PLEK2: variants seen among roughly 807,000 people sequenced by gnomAD.
The protein encoded by PLEK2 is pleckstrin 2.
Under a neutral mutation model 43.8 loss-of-function variants are expected in PLEK2, and 29 were observed. That is an observed-to-expected ratio of 0.66 (90% CI 0.49 to 0.90). The LOEUF (loss-of-function observed/expected upper bound fraction) is 0.90. Among genes scored for constraint, PLEK2 ranks in the 40% least tolerant of loss-of-function variants. PLEK2 has a pLI of 0.00. For missense variants in PLEK2, 398 were observed against 448.1 expected, an observed-to-expected ratio of 0.89 and a Z score of 1.01; for synonymous variants, 162 against 173.2, an observed-to-expected ratio of 0.94 and a Z score of 0.51.
chr14:67,393,264 G>C, intron 3 of PLEK2, 23 bp from the exon 4 acceptor site: 1 of 1,561,474 alleles, frequency 6.4e-7, no homozygotes, highest in Non-Finnish European at 8.8e-7. Context: ...GAAGGCAAAG[G>C]AGAGGGAACC....
chr14:67,408,009 C>T (rs753216183), intron 1 of PLEK2, among the ~76,000 whole-genome samples: 11 of 151,934 alleles, frequency 7.2e-5, no homozygotes, highest in Non-Finnish European at 1.2e-4. Flanking sequence ...AATAGAGGGC[C>T]GGGCATGGTG....
intron 1 of PLEK2, among the ~76,000 whole-genome samples, chr14:67,407,161 G>A (rs570841243): frequency 9.9e-5 from 15 of 151,922 alleles, no homozygotes; most frequent in African/African-American, 3.6e-4. Flanking sequence ...TTGCACTGTC[G>A]CCCGGGCTAG....
chr14:67,396,967 C>T lies in PLEK2; in HGVS notation c.207+695G>A, dbSNP rs2086015169. ...GACTTTTTTTTTTTTTTTGAGGAGT[C>T]TCATTCTGTCACCCAGGCTGGAGTG... On this transcript the variant is annotated intron_variant, in intron 2 of 8. Coordinates refer to ENST00000216446, the MANE Select transcript of PLEK2 (RefSeq NM_016445.3). Among the ~76,000 whole-genome samples, 3 of 144,262 alleles carry T rather than the reference C, an allele frequency of 2.1e-5. No individual in the cohort carries two copies. The South Asian group carries it at 6.5e-4, about 31-fold the overall frequency. 94.6% of individuals were successfully genotyped at this position (144,262 alleles called of 152,430 possible).
rs57113671 is a variant in PLEK2, at chr14:67,392,717, C to T, written c.614G>A (p.Arg205His). ...GAACTGCTCGGCCAGATCCCCAGAG[C>T]GAATGGCTCCCATGCTTCGGACACC... ...PVGVRSMGAI[R>H]SGDLAEQFLD... Residue 205 changes from arginine (R) to histidine (H), a missense_variant, in exon 5 of 9, where the codon CGC becomes CAC. Arg to His is a conservative substitution (Grantham distance 29, BLOSUM62 0). Coordinates refer to ENST00000216446, the MANE Select transcript of PLEK2 (RefSeq NM_016445.3). The T allele has an allele frequency of 4.8e-4, 768 of 1,614,196 alleles. 3 individuals carry two copies. In the African/African-American group the frequency reaches 5.9e-3, roughly 12 times the overall value.
intron 3 of PLEK2, 57 bp from the exon 4 acceptor site, chr14:67,393,298 G>C: frequency 8.3e-7 from 1 of 1,200,904 alleles, no homozygotes; most frequent in Non-Finnish European, 1.2e-6. Context: ...CAGGTATAAG[G>C]GAGGGTCCTG....
chr14:67,393,673 C>A (rs755545333), intron 3 of PLEK2, among the ~76,000 whole-genome samples: 2 of 152,038 alleles, frequency 1.3e-5, no homozygotes, highest in African/African-American at 4.8e-5. Flanking sequence ...AGGCTGGTCT[C>A]GAACTCCTGA....
intron 1 of PLEK2, among the ~76,000 whole-genome samples, chr14:67,400,847 G>A (rs1056956029): frequency 4.6e-5 from 7 of 151,912 alleles, no homozygotes; most frequent in Non-Finnish European, 1.0e-4. Flanking sequence ...AAAATTAGCT[G>A]GGCATGGTGG....
intron 2 of PLEK2, among the ~76,000 whole-genome samples, chr14:67,396,570 T>C (rs2086011062): frequency 1.1e-5 from 1 of 92,466 alleles, no homozygotes; most frequent in South Asian, 3.8e-4. Context: ...TTGACCACAC[T>C]GGAGGCCCTT....
At chr14:67,396,749 A>T (rs577447595) in intron 2 of PLEK2, among the ~76,000 whole-genome samples, 8 of 152,316 alleles carry the variant, frequency 5.3e-5, no homozygotes, top group Non-Finnish European at 1.0e-4. Flanking sequence ...CTCTTCAGGG[A>T]TAAAGGGTTT....
At position 67,412,005 on chromosome 14, in the gene PLEK2, G is replaced by T; in HGVS notation, c.42+13C>A. 6.5e-7 allele frequency: 1 copy of T among 1,545,806 alleles called. No homozygotes were observed. Among genetic ancestry groups the T allele is most frequent in the Non-Finnish European group, 8.7e-7 (1 of 1,147,728 alleles). On this transcript the variant is annotated intron_variant, in intron 1 of 8. Coordinates refer to ENST00000216446, the MANE Select transcript of PLEK2 (RefSeq NM_016445.3). Reference sequence around the variant, plus strand: ...CCACCCGGGCAATGTCCCGAAGCTCGACGCGCACTCACCCTCTTGACCAGG... The same window carrying T: ...CCACCCGGGCAATGTCCCGAAGCTCTACGCGCACTCACCCTCTTGACCAGG...
In PLEK2 at chr14:67,387,254, A is replaced by T; in HGVS notation, c.*75T>A. The T allele has an allele frequency of 6.9e-7, 1 of 1,444,052 alleles. No individual in the cohort carries two copies. The highest frequency in any genetic ancestry group is 2.4e-5 in the East Asian group (1 of 41,642). 89.5% of individuals were successfully genotyped at this position (1,444,052 alleles called of 1,614,324 possible). A position where few individuals can be genotyped will look rare whatever the true frequency, so the allele number is the denominator to read the frequency against. On this transcript the variant is annotated 3_prime_UTR_variant, in exon 9 of 9. Transcript: ENST00000216446. ...ACTTACAAAGAAGTCAAAAGTCTTA[A>T]CACTCCCATTCTCCAGGAACTCTTG...
rs982919360 is a variant in PLEK2, at chr14:67,412,122, ACCCGCGCAG to A, written c.-72_-64del. On this transcript the variant is annotated 5_prime_UTR_variant, in exon 1 of 9. Coordinates refer to ENST00000216446, the MANE Select transcript of PLEK2 (RefSeq NM_016445.3). ...TTCCCCGCGCCTCGCGCTCCTCGGCACCCGCGCAGCCCGCGCAGTCCGCGCCCACGGCGC... is the reference window on the plus strand; with the variant it reads ...TTCCCCGCGCCTCGCGCTCCTCGGCACCCGCGCAGTCCGCGCCCACGGCGC... 1.4e-5 allele frequency: 19 copies of A among 1,403,138 alleles called. No homozygotes were observed. Among genetic ancestry groups the A allele is most frequent in the Middle Eastern group, 1.8e-4 (1 of 5,438 alleles). The allele number at this position is 1,403,138 out of a possible 1,614,324, so 86.9% of individuals were successfully genotyped here.
At chr14:67,391,576 C>T (rs1016404870) in intron 6 of PLEK2, among the ~76,000 whole-genome samples, 14 of 152,150 alleles carry the variant, frequency 9.2e-5, no homozygotes, top group Non-Finnish European at 1.2e-4. Context: ...CTCCGAGTAA[C>T]GATGGGAGTG....
chr14:67,394,041 C>T (rs1467329832), intron 3 of PLEK2, among the ~76,000 whole-genome samples: 1 of 152,172 alleles, frequency 6.6e-6, no homozygotes, highest in Non-Finnish European at 1.5e-5. Flanking sequence ...TTTCTCCTGC[C>T]TCTCAGCTCC....
intron 1 of PLEK2, among the ~76,000 whole-genome samples, chr14:67,405,052 G>A (rs1036658732): frequency 2.0e-5 from 3 of 151,406 alleles, no homozygotes; most frequent in African/African-American, 4.9e-5. Context: ...TGGCCAACAT[G>A]GCGAAACCCC....
In PLEK2 at chr14:67,392,327, T is replaced by G; in HGVS notation, c.770A>C (p.Gln257Pro). 6.3e-7 allele frequency: 1 copy of G among 1,590,044 alleles called. No homozygotes were observed. The highest frequency in any genetic ancestry group is 8.6e-7 in the Non-Finnish European group (1 of 1,157,934). Residue 257 changes from glutamine (Q) to proline (P), a missense_variant and splice_region_variant, in exon 6 of 9, where the codon CAG (glutamine) becomes CCG (proline). Coordinates refer to ENST00000216446, the MANE Select transcript of PLEK2 (RefSeq NM_016445.3). ...CTTCCCTGCTCATAGCAGCCATACC[T>G]GCTTGGCCAGGTAGCCTTGTTTCAC... ...TVVKQGYLAK[Q>P]GHKRKNWKVR...
intron 1 of PLEK2, chr14:67,398,150 T>TC (rs2086024682): frequency 4.7e-6 from 1 of 213,932 alleles, no homozygotes; most frequent in Admixed American, 5.8e-5. Context: ...CGGTCTTTTT[T>TC]CCTTTTAGTT....
intron 8 of PLEK2, 96 bp downstream of exon 8, chr14:67,388,128 C>T (rs772735027): frequency 1.0e-5 from 8 of 769,118 alleles, no homozygotes; most frequent in African/African-American, 1.7e-5. Context: ...AAGCCCTGCT[C>T]GGCTCCCAAA....
At chr14:67,395,354 A>G in intron 3 of PLEK2, 48 bp downstream of exon 3, 1 of 1,568,046 alleles carries the variant, frequency 6.4e-7, no homozygotes. Flanking sequence ...TGCCCACCCA[A>G]CACAGGCAGG....
Sources: allele counts gnomAD v4.1 joint callset (sites outside exome capture counted in the v4.1 genomes callset), GRCh38; gene constraint gnomAD v4.1.1; transcripts MANE v1.5; gene names NCBI Gene and HGNC (gene_info 2026-07-23, HGNC 2026-07-21).